Variants in CXorf58 observed in about 807,000 individuals in gnomAD.
CXorf58 encodes uncharacterized protein CXorf58.
A neutral mutation model predicts 26.0 loss-of-function variants in CXorf58; 24 were observed. That is an observed-to-expected ratio of 0.92 (90% CI 0.67 to 1.30). The LOEUF (loss-of-function observed/expected upper bound fraction) is 1.30. Ranked by LOEUF, CXorf58 falls within the 50% of genes most tolerant of loss-of-function variation. CXorf58 has a pLI of 0.00. For missense variants in CXorf58, 236 were observed against 263.9 expected (o/e 0.89, Z 0.73); for synonymous variants, 87 against 86.1 (o/e 1.01, Z -0.06).
intron 5 of CXorf58, among the ~76,000 whole-genome samples, chrX:23,926,810 G>C (rs1429264086): frequency 8.9e-6 from 1 of 111,951 alleles, no homozygotes; most frequent in Non-Finnish European, 1.9e-5. Flanking sequence ...ACGAGGCCAG[G>C]AGATCGAGAC....
At chrX:23,911,938 C>A in intron 3 of CXorf58, 82 bp downstream of exon 3, 1 of 654,599 alleles carries the variant, frequency 1.5e-6, no homozygotes, top group Non-Finnish European at 2.4e-6. Context: ...GAATAGATAA[C>A]CTTCTTTATC....
intron 5 of CXorf58, among the ~76,000 whole-genome samples, chrX:23,922,472 G>A (rs1243602872): frequency 2.7e-5 from 3 of 111,928 alleles, no homozygotes; most frequent in Non-Finnish European, 5.6e-5. Flanking sequence ...CTAGTAGCCT[G>A]CCTCCAAAGT....
rs1191542694 is a variant in CXorf58 at position 23,935,253 on chromosome X, C to T, written c.613C>T (p.Arg205Cys). 3 of 1,210,722 alleles carry T rather than the reference C, an allele frequency of 2.5e-6. No homozygotes were observed. Among genetic ancestry groups the T allele is most frequent in the South Asian group, 1.8e-5 (1 of 56,942 alleles). ...AFSGGRNNSWRKLNLENIPRT... is the reference protein window; with the variant it reads ...AFSGGRNNSWCKLNLENIPRT... ...TTCTGGCGGCAGAAATAACAGCTGGCGCAAATTAAATCTTGAAAATATTCC... is the reference window on the plus strand; with the variant it reads ...TTCTGGCGGCAGAAATAACAGCTGGTGCAAATTAAATCTTGAAAATATTCC... The change falls in exon 7 of 9, where the codon CGC (arginine) becomes TGC (cysteine). Residue 205 changes from arginine (R) to cysteine (C), a missense_variant. By Grantham distance (180) the Arg-to-Cys change is radical (BLOSUM62 -3). Transcript: ENST00000379211.
At position 23,927,262 on chromosome X, in the gene CXorf58, A is replaced by C. The variant is rs1002781992; in HGVS notation, c.447A>C (p.Leu149=). 32 of 1,164,334 alleles carry C rather than the reference A, an allele frequency of 2.7e-5. No homozygotes were observed. Among genetic ancestry groups the C allele is most frequent in the Non-Finnish European group, 3.7e-5 (32 of 867,541 alleles). ...AGGCAGTGGATGATGCTTGCAAACT[A>C]ATGGGGGAAAGGAAATTTCACCGTA... The part of the protein sequence containing the change: ...SSKAVDDACK[L]MGERKFHRII... The change falls in exon 6 of 9, where the codon CTA becomes CTC. Residue 149 remains leucine, a synonymous_variant. Coordinates refer to ENST00000379211, the MANE Select transcript of CXorf58 (RefSeq NM_152761.3).
intron 7 of CXorf58, among the ~76,000 whole-genome samples, chrX:23,937,889 AT>A (rs753150925): frequency 1.9e-3 from 192 of 100,727 alleles, no homozygotes; most frequent in Middle Eastern, 5.3e-3. Flanking sequence ...ATGAAATGTA[AT>A]TTTTTTTTTT....
At chrX:23,938,902 T>TA (rs994207581) in intron 8 of CXorf58, among the ~76,000 whole-genome samples, 17 of 111,949 alleles carry the variant, frequency 1.5e-4, no homozygotes, top group African/African-American at 5.2e-4. Context: ...GCAATTCTGA[T>TA]AAAAACCAGC....
At position 23,938,580 on chromosome X, in the gene CXorf58, G is replaced by T. The variant is rs752895176; in HGVS notation, c.819G>T (p.Arg273=). ...ACTTAACTGTCCAACCTCTATATCG[G>T]CCCTACAAACAGCAAAATCAAGTTA... ...GPYLTVQPLY[R]PYKQQNQVKF... The change falls in exon 8 of 9, where the codon CGG becomes CGT. Residue 273 remains arginine, a synonymous_variant. Coordinates refer to ENST00000379211, the MANE Select transcript of CXorf58 (RefSeq NM_152761.3). 1.8e-5 allele frequency: 21 copies of T among 1,192,620 alleles called. No homozygotes were observed. The highest frequency in any genetic ancestry group is 2.4e-5 in the Non-Finnish European group (21 of 887,594).
intron 1 of CXorf58, 51 bp from the exon 2 acceptor site, chrX:23,910,223 TGTCCAAACA>T (rs1396737701): frequency 1.8e-6 from 1 of 543,578 alleles, no homozygotes; most frequent in Admixed American, 4.2e-5. Context: ...ACTTGAGTCT[TGTCCAAACA>T]GTGTAATAGT....
intron 7 of CXorf58, among the ~76,000 whole-genome samples, chrX:23,935,660 G>GA (rs1277215476): frequency 9.0e-6 from 1 of 111,613 alleles, no homozygotes; most frequent in African/African-American, 3.3e-5. Flanking sequence ...GGCTGCCACA[G>GA]AAAATATAAA....
chrX:23,930,301 A>G (rs1350757947), intron 6 of CXorf58, among the ~76,000 whole-genome samples: 1 of 109,531 alleles, frequency 9.1e-6, no homozygotes, highest in Non-Finnish European at 1.9e-5. Flanking sequence ...AAATTTAAAA[A>G]TCCAGAAACG....
intron 6 of CXorf58, among the ~76,000 whole-genome samples, chrX:23,928,558 A>C (rs1928077289): frequency 9.0e-6 from 1 of 111,414 alleles, no homozygotes; most frequent in African/African-American, 3.3e-5. Flanking sequence ...TTTTTCCAAT[A>C]GCATGTGCTT....
At chrX:23,921,065 C>T (rs1180703614) in intron 5 of CXorf58, among the ~76,000 whole-genome samples, 2 of 110,847 alleles carry the variant, frequency 1.8e-5, no homozygotes, top group African/African-American at 6.5e-5. Flanking sequence ...GTAGTTACCC[C>T]TATAAAATAT....
chrX:23,933,263 G>A (rs1030785732), intron 6 of CXorf58, among the ~76,000 whole-genome samples: 2 of 111,237 alleles, frequency 1.8e-5, no homozygotes, highest in Admixed American at 1.9e-4. Context: ...ATCTGTGTGT[G>A]TGTGTTTGAA....
intron 5 of CXorf58, among the ~76,000 whole-genome samples, chrX:23,925,506 C>A (rs1927982428): frequency 9.1e-6 from 1 of 109,456 alleles, no homozygotes; most frequent in African/African-American, 3.3e-5. Context: ...TGCCACCATG[C>A]TAGGCAAATT....
chrX:23,938,590 C>G lies in CXorf58; in HGVS notation c.829C>G (p.Gln277Glu). ...CCAACCTCTATATCGGCCCTACAAA[C>G]AGCAAAATCAAGTTAAATTTCTGGG... ...TVQPLYRPYKQQNQVKFLGRR... is the reference protein window; with the variant it reads ...TVQPLYRPYKEQNQVKFLGRR... The change falls in exon 8 of 9, where the codon CAG becomes GAG. Residue 277 changes from glutamine (Q) to glutamate (E), a missense_variant. By Grantham distance (29) the Gln-to-Glu change is conservative. Coordinates refer to ENST00000379211, the MANE Select transcript of CXorf58 (RefSeq NM_152761.3). 8.4e-7 allele frequency: 1 copy of G among 1,196,227 alleles called. No individual in the cohort carries two copies. The highest frequency in any genetic ancestry group is 1.1e-6 in the Non-Finnish European group (1 of 887,562).
At chrX:23,917,815 C>G (rs1360271891) in intron 5 of CXorf58, among the ~76,000 whole-genome samples, 3 of 111,987 alleles carry the variant, frequency 2.7e-5, no homozygotes, top group Non-Finnish European at 5.6e-5. Flanking sequence ...GCCGCTGCTG[C>G]TGGTCCATAA....
chrX:23,932,866 A>G (rs765886307), intron 6 of CXorf58, among the ~76,000 whole-genome samples: 1 of 110,868 alleles, frequency 9.0e-6, no homozygotes, highest in Admixed American at 9.6e-5. Flanking sequence ...CTGGTGGCAC[A>G]CGCCTATAAT....
upstream of CXorf58, chrX:23,907,938 C>G (rs1362032346): frequency 8.5e-6 from 3 of 353,879 alleles, no homozygotes; most frequent in Non-Finnish European, 1.4e-5. Context: ...TGAACGCAAA[C>G]CCCGCCCTCC....
At position 23,916,445 on chromosome X, in the gene CXorf58, T is replaced by TAGGTAGTGTGTTTTTTTTTAAGCAC; in HGVS notation, c.423+118_423+142dup. 5 of 417,334 alleles carry TAGGTAGTGTGTTTTTTTTTAAGCAC rather than the reference T, an allele frequency of 1.2e-5. No individual in the cohort carries two copies. In the East Asian group the frequency reaches 2.3e-4, roughly 19 times the overall value. The allele number at this position is 417,334 out of a possible 1,213,427, so 34.4% of individuals were successfully genotyped here. A position where few individuals can be genotyped will look rare whatever the true frequency, so the allele number is the denominator to read the frequency against. On this transcript the variant is annotated intron_variant, in intron 5 of 8. Coordinates refer to ENST00000379211, the MANE Select transcript of CXorf58 (RefSeq NM_152761.3). ...TTTCACCATGAAACAGCCCACCAGG[T>TAGGTAGTGTGTTTTTTTTTAAGCAC]AGGTAGTGTGTTTTTTTTTAAGCAC...
Sources: allele counts gnomAD v4.1 joint callset (sites outside exome capture counted in the v4.1 genomes callset), GRCh38; gene constraint gnomAD v4.1.1; transcripts MANE v1.5; gene names NCBI Gene and HGNC (gene_info 2026-07-23, HGNC 2026-07-21).